NBPF14: variants seen among roughly 807,000 people sequenced by gnomAD.
NBPF14 encodes NBPF family member NBPF14.
A neutral mutation model predicts 91.2 loss-of-function variants in NBPF14; 104 were observed. The observed-to-expected ratio is 1.14, with a 90% confidence interval of 0.97 to 1.34. The LOEUF is 1.34. NBPF14 is among the 40% of genes most tolerant of loss of function. The pLI is 0.00. For synonymous variants in NBPF14, 294 were observed against 303.8 expected (o/e 0.97, Z 0.34); for missense variants, 908 against 783.0 (o/e 1.16, Z -1.91).
intron 36 of NBPF14, among the ~76,000 whole-genome samples, 163 bp from the exon 37 acceptor site, chr1:148,560,128 C>A (rs1186811660): frequency 2.0e-5 from 3 of 150,702 alleles, no homozygotes; most frequent in Admixed American, 6.6e-5. Flanking sequence ...AGAACAGGGC[C>A]AGGTAGAAAA....
intron 37 of NBPF14, among the ~76,000 whole-genome samples, chr1:148,559,408 T>C (rs1482000566): frequency 7.5e-6 from 1 of 134,172 alleles, no homozygotes; most frequent in African/African-American, 3.5e-5. Flanking sequence ...CTATTCACCC[T>C]GTCTCATCAA....
chr1:148,590,246 A>G (rs1455836048), intron 6 of NBPF14, among the ~76,000 whole-genome samples: 1 of 137,634 alleles, frequency 7.3e-6, no homozygotes, highest in African/African-American at 2.7e-5. Context: ...TTTAGTAAAG[A>G]TGGGGTTTCA....
chr1:148,561,916 T>C lies in NBPF14; in HGVS notation c.4274+320A>G, dbSNP rs1184852299. 1.6e-5 allele frequency among the ~76,000 whole-genome samples: 2 copies of C among 125,126 alleles called. 1 individual carries two copies. Among genetic ancestry groups the C allele is most frequent in the African/African-American group, 8.5e-5 (2 of 23,404 alleles). 82.1% of individuals were successfully genotyped at this position (125,126 alleles called of 152,430 possible). A position where few individuals can be genotyped will look rare whatever the true frequency, so the allele number is the denominator to read the frequency against. ...AACAGGACACTCTGAGTTAGTGCCC[T>C]CAGGACACACAGCATACAGGGATCA... On this transcript the variant is annotated intron_variant, in intron 34 of 70. Transcript: ENST00000619423.
exon 4 of NBPF14, chr1:148,592,725 G>T: frequency 6.3e-7 from 1 of 1,585,888 alleles, no homozygotes; most frequent in Non-Finnish European, 8.6e-7. Flanking sequence ...CCTTAGCTGG[G>T]TCAGCTCTCG....
At chr1:148,587,274 C>G (rs1661708274) in intron 8 of NBPF14, 27 bp downstream of exon 8, 3 of 1,544,184 alleles carry the variant, frequency 1.9e-6, no homozygotes, top group African/African-American at 1.4e-5. Context: ...ACCTGCCCCC[C>G]TGCCTGCCCC....
rs1258739339 is a variant in NBPF14 at position 148,561,792 on chromosome 1, C to A, written c.4275-213G>T. ...AGACAGATAGACACACACACACACA[C>A]ACACACACAAACACACACACACACA... On this transcript the variant is annotated intron_variant, in intron 34 of 70. Coordinates refer to ENST00000619423, the Ensembl canonical transcript of NBPF14. Among the ~76,000 whole-genome samples the A allele has an allele frequency of 8.2e-5, 9 of 109,936 alleles. 2 individuals carry two copies. Among genetic ancestry groups the A allele is most frequent in the Admixed American group, 1.7e-4 (2 of 12,026 alleles). 72.1% of individuals were successfully genotyped at this position (109,936 alleles called of 152,430 possible).
chr1:148,588,007 GAACT>G (rs1381636820), intron 7 of NBPF14, among the ~76,000 whole-genome samples: 6 of 146,466 alleles, frequency 4.1e-5, no homozygotes, highest in African/African-American at 7.4e-5. Context: ...GCAGAATGAA[GAACT>G]AATAGATAGT....
intron 11 of NBPF14, among the ~76,000 whole-genome samples, chr1:148,583,864 A>G (rs1661119663): frequency 1.2e-5 from 1 of 81,176 alleles, no homozygotes; most frequent in Non-Finnish European, 2.0e-5. Context: ...GCAAGACTCC[A>G]TTGCAAAAAA....
chr1:148,578,843 C>T (rs1413398396), intron 13 of NBPF14, among the ~76,000 whole-genome samples: 5 of 149,504 alleles, frequency 3.3e-5, no homozygotes, highest in African/African-American at 1.2e-4. Context: ...GACAGTCAGT[C>T]CAGGTTGGCA....
In NBPF14 at chr1:148,577,543, GACACACAC is replaced by G. The variant is rs1184575767; in HGVS notation, c.1854-196_1854-189del. Among the ~76,000 whole-genome samples the G allele has an allele frequency of 3.8e-4, 54 of 141,214 alleles. 1 individual carries two copies. Among genetic ancestry groups the G allele is most frequent in the East Asian group, 1.5e-3 (7 of 4,784 alleles). The allele number at this position is 141,214 out of a possible 152,430, so 92.6% of individuals were successfully genotyped here. ...CAGGTAGAAAAGGATGAACGAGAAAGACACACACACACACACACACACACACACACACA... is the reference window on the plus strand; with the variant it reads ...CAGGTAGAAAAGGATGAACGAGAAAGACACACACACACACACACACACACA... On this transcript the variant is annotated intron_variant, in intron 14 of 70. Coordinates refer to ENST00000619423, the Ensembl canonical transcript of NBPF14.
chr1:148,559,706 A>T (rs1657357233), intron 37 of NBPF14, 87 bp downstream of exon 37: 4 of 731,760 alleles, frequency 5.5e-6, no homozygotes, highest in Admixed American at 4.2e-5. Flanking sequence ...GACATCTCTC[A>T]GCTCAGTAAG....
At chr1:148,591,632 AT>A in intron 4 of NBPF14, 128 bp from the exon 5 acceptor site, 1 of 1,049,668 alleles carries the variant, frequency 9.5e-7, no homozygotes, top group Non-Finnish European at 1.4e-6. Context: ...CTCATGTTTT[AT>A]CTTTCACAAA....
chr1:148,534,573 T>A (rs1225805836), intron 69 of NBPF14, 111 bp downstream of exon 69: 7 of 795,404 alleles, frequency 8.8e-6, no homozygotes, highest in Admixed American at 3.6e-5. Flanking sequence ...CCATAGGTCC[T>A]GCCTGCGGCA....
At position 148,578,968 on chromosome 1, in the gene NBPF14, C is replaced by T. The variant is rs1484081101; in HGVS notation, c.1801+106G>A. ...TACATTGATATATAGGTTCAGCCCACGGTGATGGCAAATCTCAGCCCAACA... is the reference window on the plus strand; with the variant it reads ...TACATTGATATATAGGTTCAGCCCATGGTGATGGCAAATCTCAGCCCAACA... On this transcript the variant is annotated intron_variant, in intron 13 of 70. Coordinates refer to ENST00000619423, the Ensembl canonical transcript of NBPF14. 40 of 661,436 alleles carry T rather than the reference C, an allele frequency of 6.0e-5. 1 individual carries two copies. Among genetic ancestry groups the T allele is most frequent in the Admixed American group, 1.3e-4 (6 of 46,660 alleles). The allele number at this position is 661,436 out of a possible 1,614,324, so 41.0% of individuals were successfully genotyped here. A position where few individuals can be genotyped will look rare whatever the true frequency, so the allele number is the denominator to read the frequency against.
chr1:148,558,185 A>G, intron 39 of NBPF14, 67 bp downstream of exon 39: 1 of 215,162 alleles, frequency 4.6e-6, no homozygotes, highest in Non-Finnish European at 7.7e-6. Flanking sequence ...GGGCACTTGG[A>G]ACAGGAATAT....
intron 7 of NBPF14, among the ~76,000 whole-genome samples, chr1:148,588,613 AGGAGTGAGCCACCATGCAC>A (rs2149572837): frequency 6.6e-6 from 1 of 152,260 alleles, no homozygotes; most frequent in African/African-American, 2.4e-5. Context: ...CTGGGATTAC[AGGAGTGAGCCACCATGCAC>A]GGCCCCTACT....
At chr1:148,534,553 C>A (rs1432413009) in intron 69 of NBPF14, 131 bp downstream of exon 69, 9 of 723,228 alleles carry the variant, frequency 1.2e-5, no homozygotes, top group South Asian at 4.4e-5. Context: ...TCATTACAAC[C>A]TATATGCGCC....
rs1383389776 is a variant in NBPF14, at chr1:148,592,647, G to A, written c.398C>T (p.Pro133Leu). The A allele has an allele frequency of 6.2e-5, 99 of 1,588,200 alleles. 12 individuals carry two copies. The Middle Eastern group carries it at 6.5e-4, about 10-fold the overall frequency. Reference sequence around the variant, plus strand: ...CCCCTGGGACTTGTCCGGCTCATACGGAGTGAGGAGGGCCTGGAGATGCTC... The same window carrying A: ...CCCCTGGGACTTGTCCGGCTCATACAGAGTGAGGAGGGCCTGGAGATGCTC... The change falls in exon 4 of 71, where the codon CCG becomes CTG. Residue 133 changes from proline to leucine, a missense_variant. Around this residue, in one of 13 missense-constraint regions of NBPF14, gnomAD observed 61 missense variants for 56.4 expected, o/e 1.08. Transcript: ENST00000619423.
At chr1:148,559,947 C>T (rs2149503480) in exon 37 of NBPF14, 5 of 1,379,378 alleles carry the variant, frequency 3.6e-6, no homozygotes, top group East Asian at 5.0e-5. Flanking sequence ...CTTTCTCATG[C>T]AGCAGCTCCC....
Sources: gnomAD v4.1 joint callset for allele counts (sites outside exome capture counted in the v4.1 genomes callset) on GRCh38, gnomAD v4.1.1 for gene constraint, gnomAD v4.1.1 regional missense constraint, MANE v1.5 for transcripts, NCBI Gene and HGNC (gene_info 2026-07-23, HGNC 2026-07-21) for gene names.